APC: variants seen among roughly 807,000 people sequenced by gnomAD.
APC encodes the protein APC regulator of Wnt signaling pathway.
APC carries 72 observed loss-of-function variants against 247.0 expected under a neutral mutation model. The observed-to-expected ratio is 0.29, with a 90% CI of 0.24 to 0.35. The LOEUF (loss-of-function observed/expected upper bound fraction) is 0.35. Among genes scored for constraint, APC ranks in the 10% least tolerant of loss-of-function variants. The pLI is 1.00. For synonymous variants in APC, 1,254 were observed against 1,162.5 expected (o/e 1.08, Z -1.60); for missense variants, 3,400 against 3,360.7 (o/e 1.01, Z -0.29).
chr5:112,807,624 A>G (rs1208696160), intron 8 of APC, among the ~76,000 whole-genome samples: 3 of 151,998 alleles, frequency 2.0e-5, no homozygotes, highest in Admixed American at 6.6e-5. Context: ...ATAAAGCTCA[A>G]TTAAAAGTGG....
intron 8 of APC, among the ~76,000 whole-genome samples, chr5:112,808,194 C>T (rs1396661019): frequency 2.0e-5 from 3 of 152,062 alleles, no homozygotes; most frequent in African/African-American, 7.2e-5. Context: ...ACTGCAGTGG[C>T]ATTATTACAT....
chr5:112,740,649 C>G (rs1159920812), intron 1 of APC, among the ~76,000 whole-genome samples: 1 of 151,098 alleles, frequency 6.6e-6, no homozygotes, highest in African/African-American at 2.4e-5. Flanking sequence ...CTTCAGCCCT[C>G]CAGGTAGCAG....
At chr5:112,747,560 T>A (rs1470898022) in intron 1 of APC, among the ~76,000 whole-genome samples, 2 of 152,160 alleles carry the variant, frequency 1.3e-5, no homozygotes, top group African/African-American at 4.8e-5. Context: ...AAAGTAAAAT[T>A]TCTTATTCAA....
intron 8 of APC, among the ~76,000 whole-genome samples, chr5:112,812,435 G>A (rs917536833): frequency 1.3e-5 from 2 of 152,152 alleles, no homozygotes; most frequent in South Asian, 2.1e-4. Context: ...TAGAACCAGA[G>A]TAAGCTCCTT....
intron 5 of APC, among the ~76,000 whole-genome samples, chr5:112,779,270 G>A (rs1233558216): frequency 1.3e-5 from 2 of 152,112 alleles, no homozygotes; most frequent in African/African-American, 2.4e-5. Flanking sequence ...TTTGCTTACC[G>A]TTAATTTTGG....
At chr5:112,818,861 T>G (rs1762789966) in intron 9 of APC, 105 bp from the exon 10 acceptor site, 3 of 1,261,702 alleles carry the variant, frequency 2.4e-6, no homozygotes, top group African/African-American at 1.5e-5. Context: ...GGGGGTTGTT[T>G]TGTTTTTTTA....
chr5:112,764,078 TAA>T (rs36096224), intron 2 of APC, among the ~76,000 whole-genome samples: 706 of 139,596 alleles, frequency 5.1e-3, no homozygotes, highest in Admixed American at 5.8e-3. Flanking sequence ...TCTACTATAC[TAA>T]AAAAAAAAAA....
chr5:112,825,095 C>T (rs570558522), intron 11 of APC, among the ~76,000 whole-genome samples: 9 of 152,230 alleles, frequency 5.9e-5, no homozygotes, highest in African/African-American at 1.7e-4. Flanking sequence ...TCCCAGTTTC[C>T]TTTTCTCAGA....
chr5:112,744,899 T>G (rs565687320), intron 1 of APC, among the ~76,000 whole-genome samples: 2 of 152,332 alleles, frequency 1.3e-5, no homozygotes, highest in African/African-American at 4.8e-5. Context: ...CATAGGCTCT[T>G]GATATGTGTT....
intron 1 of APC, among the ~76,000 whole-genome samples, chr5:112,751,224 A>T (rs1223751278): frequency 6.6e-6 from 1 of 152,050 alleles, no homozygotes; most frequent in Non-Finnish European, 1.5e-5. Flanking sequence ...ATCAAAACAA[A>T]AAAACTAATC....
intron 6 of APC, among the ~76,000 whole-genome samples, chr5:112,782,991 A>G (rs1758516840): frequency 6.6e-6 from 1 of 152,204 alleles, no homozygotes; most frequent in African/African-American, 2.4e-5. Flanking sequence ...ATTTGTTTCA[A>G]AAAAACAAGT....
intron 5 of APC, among the ~76,000 whole-genome samples, chr5:112,778,647 A>G (rs1757972780): frequency 6.6e-6 from 1 of 151,262 alleles, no homozygotes; most frequent in Admixed American, 6.6e-5. Context: ...CCCAGGTTCA[A>G]GCGATTCTCC....
rs1380087059 is a variant in APC, at chr5:112,837,749, G to C, written c.2155G>C (p.Ala719Pro). Residue 719 changes from alanine (A) to proline (P), a missense_variant, in exon 16 of 16, where the codon GCT (alanine) becomes CCT (proline). Transcript: ENST00000257430. ...CATTCATTCAAAGCACAAAATGATT[G>C]CTATGGGAAGTGCTGCAGCTTTAAG... ...NLIHSKHKMI[A>P]MGSAAALRNL... The C allele has an allele frequency of 6.2e-7, 1 of 1,614,150 alleles. No individual in the cohort carries two copies. The highest frequency in any genetic ancestry group is 8.5e-7 in the Non-Finnish European group (1 of 1,180,040).
chr5:112,722,897 A>G (rs1169790942), intron 1 of APC, among the ~76,000 whole-genome samples: 2 of 152,088 alleles, frequency 1.3e-5, no homozygotes, highest in Admixed American at 1.3e-4. Context: ...GGTATGATTG[A>G]CAACCATGTA....
chr5:112,779,371 T>C (rs1486481078), intron 5 of APC, among the ~76,000 whole-genome samples: 1 of 152,136 alleles, frequency 6.6e-6, no homozygotes, highest in East Asian at 1.9e-4. Flanking sequence ...AACTCAAGAG[T>C]ATTTGGTTAC....
Position 112,768,900 on chromosome 5 carries a change from A to G in APC, c.422+1510A>G, listed in dbSNP as rs143143469. Among the ~76,000 whole-genome samples the G allele has an allele frequency of 3.2e-3, 481 of 152,274 alleles. 4 individuals carry two copies. Among genetic ancestry groups the G allele is most frequent in the African/African-American group, 0.011 (458 of 41,538 alleles). Reference sequence around the variant, plus strand: ...AGAACACAGTCCTATACAGTAGTGTAGAACACTAGAACTTATTCCTCCTAT... The same window carrying G: ...AGAACACAGTCCTATACAGTAGTGTGGAACACTAGAACTTATTCCTCCTAT... On this transcript the variant is annotated intron_variant, in intron 4 of 15. Coordinates refer to ENST00000257430, the MANE Select transcript of APC (RefSeq NM_000038.6).
intron 1 of APC, among the ~76,000 whole-genome samples, chr5:112,751,138 A>T (rs1754313216): frequency 6.6e-6 from 1 of 152,100 alleles, no homozygotes; most frequent in Non-Finnish European, 1.5e-5. Flanking sequence ...GAGTTGGAAA[A>T]ATAGTACAGA....
At chr5:112,745,910 A>G in intron 1 of APC, among the ~76,000 whole-genome samples, 1 of 152,344 alleles carries the variant, frequency 6.6e-6, no homozygotes, top group South Asian at 2.1e-4. Flanking sequence ...ATAAGAGGAT[A>G]TAATTAGTAA....
exon 1 of APC, chr5:112,707,771 A>C (rs2149630718): frequency 7.3e-7 from 1 of 1,369,256 alleles, no homozygotes; most frequent in Non-Finnish European, 9.6e-7. Context: ...CTTCTGTACC[A>C]CCCTCAGTTC....
Sources: allele counts gnomAD v4.1 joint callset (sites outside exome capture counted in the v4.1 genomes callset), GRCh38; gene constraint gnomAD v4.1.1; transcripts MANE v1.5; gene names NCBI Gene and HGNC (gene_info 2026-07-23, HGNC 2026-07-21).